The following EXOC2 variants were observed in gnomAD, a reference collection of about 807,000 sequenced individuals.
EXOC2 encodes exocyst complex component 2, also known as SEC5-like 1.
Under a neutral mutation model 131.8 loss-of-function variants are expected in EXOC2, and 70 were observed. The observed-to-expected ratio is 0.53, with a 90% CI of 0.44 to 0.65. EXOC2 has a LOEUF of 0.65. Ranked by LOEUF, EXOC2 falls within the 30% of genes least tolerant of loss-of-function variation. The pLI is 0.00. For missense variants in EXOC2, 923 were observed against 1,108.6 expected (o/e 0.83, Z 2.38); for synonymous variants, 411 against 398.4 (o/e 1.03, Z -0.38).
intron 6 of EXOC2, among the ~76,000 whole-genome samples, chr6:616,471 C>T (rs972013508): frequency 1.1e-4 from 17 of 151,236 alleles, no homozygotes; most frequent in African/African-American, 3.9e-4. Flanking sequence ...GGCGCAGTGG[C>T]GGGCGCCTGT....
intron 1 of EXOC2, among the ~76,000 whole-genome samples, chr6:652,339 T>C (rs934228832): frequency 2.0e-5 from 3 of 152,160 alleles, no homozygotes; most frequent in African/African-American, 7.2e-5. Context: ...CTCGCCTGGG[T>C]CCAATGTTTG....
rs1763411610 is a variant in EXOC2 at position 491,189 on chromosome 6, G to A, written c.2560-3C>T. On this transcript the variant is annotated splice_polypyrimidine_tract_variant and splice_region_variant and intron_variant, in intron 25 of 27. Transcript: ENST00000230449. ...AAAGCACAGATTTCAAGTCTCGCCT[G>A]AAAATGAGAAAAAGACAAAGTGACA... 1 of 1,614,088 alleles carries A rather than the reference G, an allele frequency of 6.2e-7. No individual in the cohort carries two copies. The highest frequency in any genetic ancestry group is 2.2e-5 in the East Asian group (1 of 44,870).
chr6:507,292 A>C (rs1764613481), intron 23 of EXOC2, among the ~76,000 whole-genome samples: 1 of 102,506 alleles, frequency 9.8e-6, no homozygotes, highest in African/African-American at 4.4e-5. Flanking sequence ...CACAGCAGTG[A>C]CTACACACAC....
intron 22 of EXOC2, among the ~76,000 whole-genome samples, chr6:536,965 A>T (rs1766479187): frequency 6.6e-6 from 1 of 152,242 alleles, no homozygotes; most frequent in Admixed American, 6.5e-5. Flanking sequence ...GACTGATCCA[A>T]TTTAAAAATG....
In EXOC2 at chr6:549,304, C is replaced by T; in HGVS notation, c.2122-13G>A. ...AAAGGCGCTGTTCCTAAAAGCAAAACAAATGTTTAGAAAATCACCTTTATG... is the reference window on the plus strand; with the variant it reads ...AAAGGCGCTGTTCCTAAAAGCAAAATAAATGTTTAGAAAATCACCTTTATG... On this transcript the variant is annotated splice_polypyrimidine_tract_variant and intron_variant, in intron 21 of 27. Transcript: ENST00000230449. The T allele has an allele frequency of 1.3e-6, 2 of 1,595,602 alleles. No individual in the cohort carries two copies. The highest frequency in any genetic ancestry group is 1.7e-6 in the Non-Finnish European group (2 of 1,163,756).
At chr6:605,517 T>C (rs1053472904) in intron 7 of EXOC2, among the ~76,000 whole-genome samples, 1 of 152,230 alleles carries the variant, frequency 6.6e-6, no homozygotes, top group African/African-American at 2.4e-5. Flanking sequence ...TCTCTGATGG[T>C]AGTTTGTATT....
chr6:581,540 C>T (rs147832721), intron 11 of EXOC2, among the ~76,000 whole-genome samples: 4 of 152,138 alleles, frequency 2.6e-5, no homozygotes, highest in East Asian at 1.9e-4. Flanking sequence ...AAATCATCAC[C>T]GTAGTATTTC....
chr6:683,913 C>T (rs1263282194), intron 1 of EXOC2, among the ~76,000 whole-genome samples: 2 of 152,230 alleles, frequency 1.3e-5, no homozygotes, highest in Non-Finnish European at 2.9e-5. Context: ...GAAAGGACAG[C>T]CCAGAGTTCA....
intron 17 of EXOC2, among the ~76,000 whole-genome samples, chr6:562,098 G>A (rs76651845): frequency 0.019 from 2,952 of 152,320 alleles, 71 homozygotes; most frequent in African/African-American, 0.052. Context: ...GCAGTGTGAA[G>A]GGTCACAGGG....
intron 23 of EXOC2, among the ~76,000 whole-genome samples, chr6:512,823 TG>T: frequency 6.6e-6 from 1 of 152,286 alleles, no homozygotes; most frequent in East Asian, 1.9e-4. Context: ...ATTTGCCACA[TG>T]GGGAAAACAG....
intron 23 of EXOC2, among the ~76,000 whole-genome samples, chr6:515,674 C>A (rs1765114476): frequency 6.7e-6 from 1 of 149,044 alleles, no homozygotes; most frequent in South Asian, 2.1e-4. Flanking sequence ...TAGGAGGGAG[C>A]GAGAAGCCAG....
chr6:496,165 C>G (rs1200736542), intron 25 of EXOC2, among the ~76,000 whole-genome samples: 1 of 152,084 alleles, frequency 6.6e-6, no homozygotes, highest in African/African-American at 2.4e-5. Context: ...TCTGCTAATT[C>G]CAATACCTGG....
intron 13 of EXOC2, among the ~76,000 whole-genome samples, chr6:566,623 C>T (rs1757981220): frequency 6.6e-6 from 1 of 152,162 alleles, no homozygotes; most frequent in African/African-American, 2.4e-5. Flanking sequence ...CAAATGAATG[C>T]CCTGCTCACT....
At chr6:497,918 A>G (rs1406512875) in intron 24 of EXOC2, among the ~76,000 whole-genome samples, 1 of 152,232 alleles carries the variant, frequency 6.6e-6, no homozygotes, top group African/African-American at 2.4e-5. Context: ...CATATGGGGT[A>G]CCCCATTCTG....
At chr6:498,005 T>C (rs1475176597) in intron 24 of EXOC2, among the ~76,000 whole-genome samples, 1 of 152,248 alleles carries the variant, frequency 6.6e-6, no homozygotes, top group Non-Finnish European at 1.5e-5. Flanking sequence ...TTGACTTACA[T>C]TATTTTCAAA....
chr6:501,202 TTATATATATATTA>T (rs1764089548), intron 23 of EXOC2, among the ~76,000 whole-genome samples: 1 of 9,050 alleles, frequency 1.1e-4, no homozygotes, highest in Non-Finnish European at 2.8e-4. Flanking sequence ...TCTATATATA[TTATATATATATTA>T]TATATATCTA....
rs999000578 is a variant in EXOC2, at chr6:537,417, C to T, written c.2239-4807G>A. ...ACACTCGAGTTCATGACCGACGGAG[C>T]GTACACATGAGGTGACGGCCGACGG... On this transcript the variant is annotated intron_variant, in intron 22 of 27. Transcript: ENST00000230449. Among the ~76,000 whole-genome samples, 6 of 146,496 alleles carry T rather than the reference C, an allele frequency of 4.1e-5. 1 individual carries two copies. Among genetic ancestry groups the T allele is most frequent in the African/African-American group, 1.5e-4 (6 of 39,146 alleles).
At chr6:589,922 C>T (rs1351673772) in intron 11 of EXOC2, among the ~76,000 whole-genome samples, 1 of 152,124 alleles carries the variant, frequency 6.6e-6, no homozygotes, top group South Asian at 2.1e-4. Context: ...CTGGCTAACA[C>T]CGTGATGGGG....
intron 12 of EXOC2, 39 bp from the exon 13 acceptor site, chr6:572,683 T>C (rs1363916696): frequency 1.3e-6 from 2 of 1,597,704 alleles, no homozygotes; most frequent in Non-Finnish European, 8.5e-7. Flanking sequence ...ATTGTACTTC[T>C]GAATCAAGAA....
Sources: allele counts gnomAD v4.1 joint callset (sites outside exome capture counted in the v4.1 genomes callset), GRCh38; gene constraint gnomAD v4.1.1; transcripts MANE v1.5; gene names NCBI Gene and HGNC (gene_info 2026-07-23, HGNC 2026-07-21).